The following CSMD1 variants were observed in gnomAD, a reference collection of about 807,000 sequenced individuals.
CSMD1 encodes CUB and Sushi multiple domains 1.
A neutral mutation model predicts 417.5 loss-of-function variants in CSMD1; 213 were observed. The ratio of observed to expected loss-of-function variants is 0.51; its 90% CI spans 0.46 to 0.57. The LOEUF (loss-of-function observed/expected upper bound fraction) is 0.57. CSMD1 is among the 20% of genes least tolerant of loss of function. The probability of loss-of-function intolerance (pLI) is 0.00; values close to 1 mark genes in which losing one functional copy is unlikely to be tolerated. For missense variants in CSMD1, 6,923 were observed against 4,529.7 expected, an observed-to-expected ratio of 1.53 and a Z score of -15.17; for synonymous variants, 2,862 against 1,736.8, an observed-to-expected ratio of 1.65 and a Z score of -16.11.
At chr8:4,423,567 C>T (rs531067801) in intron 2 of CSMD1, among the ~76,000 whole-genome samples, 1 of 152,028 alleles carries the variant, frequency 6.6e-6, no homozygotes, top group Admixed American at 6.6e-5. Flanking sequence ...AATAAATGGA[C>T]AGATATACCA....
intron 2 of CSMD1, among the ~76,000 whole-genome samples, chr8:4,450,540 C>A (rs1323376026): frequency 6.6e-6 from 1 of 151,976 alleles, no homozygotes; most frequent in Non-Finnish European, 1.5e-5. Flanking sequence ...GAGGCTGAGG[C>A]ACGGGATTCA....
At chr8:3,790,259 C>G (rs1222319930) in intron 5 of CSMD1, among the ~76,000 whole-genome samples, 1 of 152,100 alleles carries the variant, frequency 6.6e-6, no homozygotes, top group South Asian at 2.1e-4. Context: ...ATCAATCAAA[C>G]TGAAACGAAA....
chr8:4,257,134 T>C (rs1365559906), intron 3 of CSMD1, among the ~76,000 whole-genome samples: 1 of 152,164 alleles, frequency 6.6e-6, no homozygotes, highest in Non-Finnish European at 1.5e-5. Flanking sequence ...CTCACCACAT[T>C]TGTTACCTAG....
chr8:3,961,934 T>G (rs973785176), intron 5 of CSMD1, among the ~76,000 whole-genome samples: 8 of 152,208 alleles, frequency 5.3e-5, no homozygotes, highest in African/African-American at 1.2e-4. Context: ...CTTGGGCGCT[T>G]TCTTCCTCAA....
At chr8:4,073,999 A>C (rs552231011) in intron 3 of CSMD1, among the ~76,000 whole-genome samples, 3 of 152,080 alleles carry the variant, frequency 2.0e-5, no homozygotes, top group Non-Finnish European at 4.4e-5. Context: ...GGGAAGCTTT[A>C]ATGACTTCAA....
At chr8:4,981,191 G>A (rs1810870043) in intron 1 of CSMD1, among the ~76,000 whole-genome samples, 1 of 152,058 alleles carries the variant, frequency 6.6e-6, no homozygotes. Flanking sequence ...CTTTACCATG[G>A]AAACACATTC....
chr8:3,270,074 G>C (rs1801726936), intron 26 of CSMD1, among the ~76,000 whole-genome samples: 3 of 132,046 alleles, frequency 2.3e-5, no homozygotes, highest in African/African-American at 8.4e-5. Context: ...TTTTGAGATG[G>C]AGTCTTGCTC....
At chr8:3,480,032 C>G (rs1817645823) in intron 11 of CSMD1, among the ~76,000 whole-genome samples, 1 of 152,034 alleles carries the variant, frequency 6.6e-6, no homozygotes, top group Non-Finnish European at 1.5e-5. Flanking sequence ...ATGGAATTCT[C>G]CTACACTAAA....
chr8:3,669,320 A>G (rs1279455466), intron 7 of CSMD1, among the ~76,000 whole-genome samples: 1 of 152,064 alleles, frequency 6.6e-6, no homozygotes, highest in Non-Finnish European at 1.5e-5. Context: ...TGTGTGAGCA[A>G]TTATTTCCTT....
chr8:3,924,461 TTCTC>T (rs369574043), intron 5 of CSMD1, among the ~76,000 whole-genome samples: 1 of 152,184 alleles, frequency 6.6e-6, no homozygotes, highest in Non-Finnish European at 1.5e-5. Context: ...AAATTTATCT[TTCTC>T]TGTTTCTTCT....
At chr8:3,973,084 A>T (rs556218485) in intron 5 of CSMD1, among the ~76,000 whole-genome samples, 1 of 152,250 alleles carries the variant, frequency 6.6e-6, no homozygotes, top group Non-Finnish European at 1.5e-5. Flanking sequence ...GTTTTACAGA[A>T]TACCTAATTT....
intron 3 of CSMD1, among the ~76,000 whole-genome samples, chr8:4,139,872 C>G (rs941810886): frequency 1.3e-5 from 2 of 150,746 alleles, no homozygotes; most frequent in Non-Finnish European, 2.9e-5. Context: ...TTTAGATCAG[C>G]ATGTTCATCA....
At chr8:3,533,695 G>T (rs956575475) in intron 10 of CSMD1, among the ~76,000 whole-genome samples, 3 of 152,052 alleles carry the variant, frequency 2.0e-5, no homozygotes, top group Admixed American at 6.5e-5. Context: ...TTCACCACAC[G>T]TGCCTCCACC....
intron 23 of CSMD1, among the ~76,000 whole-genome samples, chr8:3,318,043 T>A (rs7837603): frequency 1.3e-4 from 20 of 152,004 alleles, no homozygotes; most frequent in South Asian, 1.2e-3. Flanking sequence ...TCAAGTGATC[T>A]GCCCACCTTG....
intron 12 of CSMD1, among the ~76,000 whole-genome samples, chr8:3,455,034 C>T (rs1010536767): frequency 6.6e-6 from 1 of 152,190 alleles, no homozygotes. Context: ...TTTCTCTAAA[C>T]TTCTCCTCTC....
In CSMD1 at chr8:3,419,215, TC is replaced by T. The variant is rs1363289948; in HGVS notation, c.1562-9611del. ...AACACATTTCTGAGCACCTAAGTGG[TC>T]ATCCTCACAGAAGGATACTATCAGG... is the stretch of plus-strand genomic sequence containing the variant. On this transcript the variant is annotated intron_variant, in intron 12 of 69. Transcript: ENST00000635120. Among the ~76,000 whole-genome samples the T allele has an allele frequency of 4.6e-5, 7 of 152,316 alleles. No homozygotes were observed. The East Asian group carries it at 1.4e-3, about 30-fold the overall frequency.
chr8:3,369,504 G>A, intron 18 of CSMD1, 134 bp from the exon 19 acceptor site: 1 of 595,654 alleles, frequency 1.7e-6, no homozygotes, highest in East Asian at 2.8e-5. Context: ...AAACCAAGCA[G>A]AACCTGAGCT....
chr8:3,979,266 C>T (rs894219112), intron 5 of CSMD1, among the ~76,000 whole-genome samples: 1 of 152,084 alleles, frequency 6.6e-6, no homozygotes, highest in Non-Finnish European at 1.5e-5. Flanking sequence ...GTTTTGGGAG[C>T]GGATTGCAAT....
intron 15 of CSMD1, among the ~76,000 whole-genome samples, chr8:3,403,136 TTTTAA>T (rs1342542137): frequency 4.6e-5 from 7 of 152,230 alleles, no homozygotes; most frequent in Non-Finnish European, 1.0e-4. Context: ...CTATAACTTA[TTTTAA>T]TTTGTTAAGG....
Sources: gnomAD v4.1 joint callset for allele counts (sites outside exome capture counted in the v4.1 genomes callset) on GRCh38, gnomAD v4.1.1 for gene constraint, MANE v1.5 for transcripts, NCBI Gene and HGNC (gene_info 2026-07-23, HGNC 2026-07-21) for gene names.